The following PLCB1 variants were observed in gnomAD, a reference collection of about 807,000 sequenced individuals.
PLCB1 encodes the protein 1-phosphatidylinositol 4,5-bisphosphate phosphodiesterase beta-1.
Under a neutral mutation model 161.8 loss-of-function variants are expected in PLCB1, and 46 were observed. The ratio of observed to expected loss-of-function variants is 0.28; its 90% CI spans 0.22 to 0.36. The LOEUF (loss-of-function observed/expected upper bound fraction) is 0.36, where lower values mean the gene tolerates loss of function less well. Among genes scored for constraint, PLCB1 ranks in the 10% least tolerant of loss-of-function variants. PLCB1 has a pLI of 1.00. For missense variants in PLCB1, 1,016 were observed against 1,472.5 expected (o/e 0.69, Z 5.07); for synonymous variants, 517 against 503.7 (o/e 1.03, Z -0.35).
At chr20:8,381,426 A>G (rs987058916) in intron 3 of PLCB1, among the ~76,000 whole-genome samples, 4 of 152,116 alleles carry the variant, frequency 2.6e-5, no homozygotes, top group Non-Finnish European at 5.9e-5. Context: ...TGTCTCTGCC[A>G]GGTTTTGGTA....
At chr20:8,486,741 C>T (rs554396926) in intron 3 of PLCB1, among the ~76,000 whole-genome samples, 14 of 151,028 alleles carry the variant, frequency 9.3e-5, no homozygotes, top group East Asian at 1.9e-4. Flanking sequence ...ATGATCCACC[C>T]GCCTCGGCCT....
chr20:8,183,469 C>T (rs1318186338), intron 2 of PLCB1, among the ~76,000 whole-genome samples: 2 of 152,072 alleles, frequency 1.3e-5, no homozygotes, highest in Non-Finnish European at 2.9e-5. Context: ...TCAGCTACTA[C>T]ATAAAAGAAA....
chr20:8,322,646 A>G (rs1759995835), intron 2 of PLCB1, among the ~76,000 whole-genome samples: 1 of 152,200 alleles, frequency 6.6e-6, no homozygotes. Context: ...GTTTGTTAAG[A>G]GCCTTAGATC....
intron 3 of PLCB1, among the ~76,000 whole-genome samples, chr20:8,489,258 G>A (rs1169248486): frequency 6.6e-6 from 1 of 152,136 alleles, no homozygotes; most frequent in African/African-American, 2.4e-5. Flanking sequence ...TTTGCCTAGA[G>A]GATGGTGTAT....
At chr20:8,722,893 CCT>C (rs1411353751) in intron 15 of PLCB1, among the ~76,000 whole-genome samples, 1 of 152,152 alleles carries the variant, frequency 6.6e-6, no homozygotes, top group Admixed American at 6.6e-5. Context: ...GTGGTGTACA[CCT>C]GTAGTTCCAG....
At chr20:8,370,572 G>C (rs530904803) in intron 2 of PLCB1, among the ~76,000 whole-genome samples, 1 of 152,070 alleles carries the variant, frequency 6.6e-6, no homozygotes, top group Non-Finnish European at 1.5e-5. Context: ...TCTCATCTAG[G>C]CATTTGCTCA....
At chr20:8,459,163 G>C (rs946400659) in intron 3 of PLCB1, among the ~76,000 whole-genome samples, 1 of 152,108 alleles carries the variant, frequency 6.6e-6, no homozygotes, top group African/African-American at 2.4e-5. Context: ...CACTTACGCA[G>C]CTAAATTTAC....
chr20:8,482,092 ATTTT>A (rs199634903), intron 3 of PLCB1, among the ~76,000 whole-genome samples: 7 of 104,884 alleles, frequency 6.7e-5, no homozygotes, highest in African/African-American at 3.0e-4. Flanking sequence ...GCTTGAAGGA[ATTTT>A]TTTTTTTTTT....
chr20:8,569,211 G>A (rs1336969189), intron 3 of PLCB1, among the ~76,000 whole-genome samples: 1 of 152,192 alleles, frequency 6.6e-6, no homozygotes. Flanking sequence ...GGAATGATGG[G>A]AACTCAGAAA....
chr20:8,604,393 A>C (rs909447166), intron 3 of PLCB1, among the ~76,000 whole-genome samples: 2 of 152,136 alleles, frequency 1.3e-5, no homozygotes, highest in Admixed American at 6.6e-5. Flanking sequence ...CAAATTAAAC[A>C]ATTTCCAATT....
chr20:8,550,901 A>G (rs1985752106), intron 3 of PLCB1, among the ~76,000 whole-genome samples: 1 of 152,094 alleles, frequency 6.6e-6, no homozygotes, highest in South Asian at 2.1e-4. Flanking sequence ...AAGTGTCTGA[A>G]TAATAAAATT....
At chr20:8,560,070 T>G (rs1568508179) in intron 3 of PLCB1, among the ~76,000 whole-genome samples, 1 of 151,946 alleles carries the variant, frequency 6.6e-6, no homozygotes, top group Non-Finnish European at 1.5e-5. Flanking sequence ...AGCTTTCAAA[T>G]TTTAGTTTAT....
At chr20:8,198,449 C>T (rs2052053269) in intron 2 of PLCB1, among the ~76,000 whole-genome samples, 1 of 152,014 alleles carries the variant, frequency 6.6e-6, no homozygotes, top group African/African-American at 2.4e-5. Flanking sequence ...AAGTCTGTGA[C>T]AACCAAGGAA....
intron 14 of PLCB1, among the ~76,000 whole-genome samples, chr20:8,721,928 G>C (rs1275446787): frequency 9.3e-5 from 5 of 53,778 alleles, no homozygotes. Context: ...GGAAAGGAGG[G>C]AAAGATGAAG....
At chr20:8,498,178 A>G (rs559116347) in intron 3 of PLCB1, among the ~76,000 whole-genome samples, 21 of 152,264 alleles carry the variant, frequency 1.4e-4, no homozygotes, top group Middle Eastern at 3.4e-3. Flanking sequence ...GCTCACTGCA[A>G]TCGCTGCCTC....
intron 31 of PLCB1, among the ~76,000 whole-genome samples, chr20:8,872,659 G>A (rs1408336854): frequency 6.6e-6 from 1 of 152,104 alleles, no homozygotes; most frequent in African/African-American, 2.4e-5. Flanking sequence ...ATTCACAGGG[G>A]TAATATGAAT....
chr20:8,141,579 A>T (rs1164687283), intron 1 of PLCB1, among the ~76,000 whole-genome samples: 1 of 150,478 alleles, frequency 6.6e-6, no homozygotes, highest in African/African-American at 2.5e-5. Flanking sequence ...GTGAGCCAAG[A>T]TCGCGCCACT....
intron 3 of PLCB1, among the ~76,000 whole-genome samples, chr20:8,464,347 C>CTAGCATT (rs1420738082): frequency 1.3e-5 from 2 of 152,100 alleles, no homozygotes; most frequent in African/African-American, 2.4e-5. Flanking sequence ...ATTTATAGCC[C>CTAGCATT]ATTGCTACTT....
chr20:8,530,996 C>T (rs1466818412), intron 3 of PLCB1, among the ~76,000 whole-genome samples: 3 of 151,900 alleles, frequency 2.0e-5, no homozygotes, highest in African/African-American at 7.2e-5. Context: ...AAGAATGGGA[C>T]ATTTTTATTA....
Sources: allele counts gnomAD v4.1 joint callset (sites outside exome capture counted in the v4.1 genomes callset), GRCh38; gene constraint gnomAD v4.1.1; transcripts MANE v1.5; gene names NCBI Gene and HGNC (gene_info 2026-07-23, HGNC 2026-07-21).